The following HIF3A variants were observed in gnomAD, a reference collection of about 807,000 sequenced individuals.
The protein encoded by HIF3A is hypoxia inducible factor 3 subunit alpha.
In HIF3A, 41 loss-of-function variants were observed where a neutral mutation model predicts 67.2. That is an observed-to-expected ratio of 0.61 (90% CI 0.48 to 0.79). The LOEUF (loss-of-function observed/expected upper bound fraction) is 0.79. Among genes scored for constraint, HIF3A ranks in the 30% least tolerant of loss-of-function variants. The pLI, the probability that HIF3A is intolerant of heterozygous loss-of-function variation, is 0.00. For missense variants in HIF3A, 855 were observed against 898.0 expected (o/e 0.95, Z 0.61); for synonymous variants, 356 against 374.8 (o/e 0.95, Z 0.58).
chr19:46,318,832 G>A (rs538847334), intron 8 of HIF3A, among the ~76,000 whole-genome samples: 124 of 152,118 alleles, frequency 8.2e-4, no homozygotes, highest in Non-Finnish European at 1.6e-3. Flanking sequence ...TGTGGGCCAG[G>A]CTGATCTTGA....
chr19:46,312,960 C>T, intron 8 of HIF3A: 1 of 1,008,714 alleles, frequency 9.9e-7, no homozygotes, highest in Non-Finnish European at 1.2e-6. Flanking sequence ...AGAAAGGGGT[C>T]TTTATTTGGC....
chr19:46,322,103 G>A (rs1970415942), intron 10 of HIF3A, 137 bp downstream of exon 10: 4 of 820,088 alleles, frequency 4.9e-6, no homozygotes, highest in Non-Finnish European at 7.5e-6. Context: ...GGATGAGATG[G>A]GGTTGAGGTT....
At chr19:46,302,474 AGGC>A (rs1211825660) in intron 1 of HIF3A, among the ~76,000 whole-genome samples, 30 of 152,284 alleles carry the variant, frequency 2.0e-4, no homozygotes, top group African/African-American at 7.0e-4. Flanking sequence ...TGTGTCACCC[AGGC>A]TGGAGTGCAG....
In HIF3A at chr19:46,304,140, A is replaced by G. The variant is rs747745830; in HGVS notation, c.217+52A>G. On this transcript the variant is annotated intron_variant, in intron 2 of 14. Transcript: ENST00000377670. The stretch of plus-strand genomic sequence containing the variant: ...TCTTGGTCAGGCCCCGCCCACGGAA[A>G]AAAACTACATCCCAGGGAGGCCCCT... 1.4e-5 allele frequency: 21 copies of G among 1,476,586 alleles called. No individual in the cohort carries two copies. The Admixed American group carries it at 2.8e-4, about 20-fold the overall frequency. 91.5% of individuals were successfully genotyped at this position (1,476,586 alleles called of 1,614,324 possible).
chr19:46,329,393 T>TG lies in HIF3A; in HGVS notation c.1632dup (p.Ser545GlufsTer2), dbSNP rs779512638. 33 of 1,609,226 alleles carry TG rather than the reference T, an allele frequency of 2.1e-5. No homozygotes were observed. Among genetic ancestry groups the TG allele is most frequent in the Non-Finnish European group, 2.7e-5 (32 of 1,177,302 alleles). On this transcript the variant is annotated frameshift_variant, in exon 12 of 15. Coordinates refer to ENST00000377670, the MANE Select transcript of HIF3A (RefSeq NM_152795.4). LOFTEE classifies it high-confidence loss of function. The stretch of plus-strand genomic sequence containing the variant: ...CCTTGAGCCCTCCCTGCTACCCCGC[T>TG]GGGGGAGTGACCCCCGGCTGAGCTG...
At chr19:46,313,910 C>T (rs979908918) in intron 8 of HIF3A, among the ~76,000 whole-genome samples, 2 of 152,084 alleles carry the variant, frequency 1.3e-5, no homozygotes, top group Admixed American at 6.5e-5. Flanking sequence ...GATCCACCCC[C>T]CTCAGCCTCC....
intron 8 of HIF3A, 123 bp downstream of exon 8, chr19:46,312,776 G>T: frequency 6.9e-7 from 1 of 1,450,854 alleles, no homozygotes; most frequent in Non-Finnish European, 9.0e-7. Context: ...AAGTGTATGT[G>T]AGGGAGTGTG....
chr19:46,310,437 G>A lies in HIF3A; in HGVS notation c.770+1078G>A, dbSNP rs1217890365. On this transcript the variant is annotated intron_variant, in intron 6 of 14. Transcript: ENST00000377670. ...TAAATAAAATAAACTGTTATTATTTGTTCACCCTCTATCCTTCCTTTCATC... is the reference window on the plus strand; with the variant it reads ...TAAATAAAATAAACTGTTATTATTTATTCACCCTCTATCCTTCCTTTCATC... 3.6e-5 allele frequency: 10 copies of A among 281,112 alleles called. No individual in the cohort carries two copies. The Admixed American group carries it at 4.5e-4, about 13-fold the overall frequency. The allele number at this position is 281,112 out of a possible 1,614,324, so 17.4% of individuals were successfully genotyped here.
At chr19:46,313,166 AT>A in intron 8 of HIF3A, 1 of 559,614 alleles carries the variant, frequency 1.8e-6, no homozygotes, top group Non-Finnish European at 2.3e-6. Context: ...CACGAGAATC[AT>A]TAGAACCCAG....
chr19:46,308,746 AC>A lies in HIF3A; in HGVS notation c.535del (p.Leu179SerfsTer11). The A allele has an allele frequency of 6.2e-7, 1 of 1,609,170 alleles. No individual in the cohort carries two copies. The highest frequency in any genetic ancestry group is 8.5e-7 in the Non-Finnish European group (1 of 1,177,864). ...MKSTLTSRGR[T>X]LNLKAATWKV... ...GAGTACACTCACCAGCCGCGGGCGC[AC>A]CCTCAACCTCAAGGCGGCCACCTGG... On this transcript the variant is annotated frameshift_variant, in exon 5 of 15. Transcript: ENST00000377670. LOFTEE classifies it high-confidence loss of function.
At chr19:46,312,037 G>A (rs768900434) in intron 6 of HIF3A, 124 bp from the exon 7 acceptor site, 7 of 803,658 alleles carry the variant, frequency 8.7e-6, no homozygotes, top group East Asian at 4.8e-5. Context: ...CTTTTCTCTC[G>A]GTTACAATCC....
intron 1 of HIF3A, among the ~76,000 whole-genome samples, chr19:46,301,961 T>A (rs965872331): frequency 7.2e-5 from 11 of 151,946 alleles, no homozygotes; most frequent in Non-Finnish European, 1.6e-4. Context: ...GCTTAGCAAA[T>A]GACAGCTGCC....
At chr19:46,305,078 C>T (rs1968712476) in intron 2 of HIF3A, 167 bp from the exon 3 acceptor site, 1 of 942,538 alleles carries the variant, frequency 1.1e-6, no homozygotes, top group Non-Finnish European at 1.7e-6. Flanking sequence ...CTTGGTCCTG[C>T]TTTCTTCCTT....
intron 14 of HIF3A, 118 bp from the exon 15 acceptor site, chr19:46,339,407 C>T (rs1179027601): frequency 8.9e-6 from 6 of 673,398 alleles, no homozygotes; most frequent in Non-Finnish European, 1.4e-5. Flanking sequence ...ATCCTTTGTT[C>T]GAGTGTTCAA....
At chr19:46,312,755 G>A (rs1046575905) in intron 8 of HIF3A, 102 bp downstream of exon 8, 10 of 1,475,674 alleles carry the variant, frequency 6.8e-6, no homozygotes, top group South Asian at 1.4e-5. Flanking sequence ...GCATGCATGT[G>A]TATCATGCAT....
chr19:46,320,464 G>A lies in HIF3A; in HGVS notation c.1047G>A (p.Val349=). ...FLISQVEETG[V]VLSLEQTEQH... is the part of the protein sequence containing the mutation. Reference sequence around the variant, plus strand: ...CCAGCCAGGTGGAAGAGACCGGAGTGGTGCTGTCCCTGGAGCAAACGGAGC... The same window carrying A: ...CCAGCCAGGTGGAAGAGACCGGAGTAGTGCTGTCCCTGGAGCAAACGGAGC... The change falls in exon 9 of 15, where the codon GTG becomes GTA. Residue 349 remains valine, a synonymous_variant. Transcript: ENST00000377670. 6.2e-7 allele frequency: 1 copy of A among 1,614,080 alleles called. No individual in the cohort carries two copies. Among genetic ancestry groups the A allele is most frequent in the East Asian group, 2.2e-5 (1 of 44,858 alleles).
At chr19:46,329,819 G>T (rs1482037462) in intron 12 of HIF3A, among the ~76,000 whole-genome samples, 1 of 151,996 alleles carries the variant, frequency 6.6e-6, no homozygotes, top group African/African-American at 2.4e-5. Flanking sequence ...ATCTAAGCCG[G>T]GTGTGGTGGT....
intron 9 of HIF3A, 65 bp downstream of exon 9, chr19:46,320,626 A>G (rs1265640232): frequency 2.4e-6 from 3 of 1,250,334 alleles, no homozygotes; most frequent in African/African-American, 3.0e-5. Context: ...AAGCCCAAGC[A>G]CCTTAACATG....
In HIF3A at chr19:46,343,399, T is replaced by C. The variant is rs948885935; in HGVS notation, c.*3777T>C. 6 of 152,512 alleles carry C rather than the reference T, an allele frequency of 3.9e-5. No homozygotes were observed. Among genetic ancestry groups the C allele is most frequent in the African/African-American group, 1.4e-4 (6 of 41,382 alleles). 9.4% of individuals were successfully genotyped at this position (152,512 alleles called of 1,614,324 possible). A position where few individuals can be genotyped will look rare whatever the true frequency, so the allele number is the denominator to read the frequency against. ...TGGCTCTGAAACTCACCAATCTCTA[T>C]ACACCATAAAGACCTCACCTTGGTA... is the stretch of plus-strand genomic sequence containing the variant. On this transcript the variant is annotated 3_prime_UTR_variant, in exon 15 of 15. Transcript: ENST00000377670.
Sources: allele counts gnomAD v4.1 joint callset (sites outside exome capture counted in the v4.1 genomes callset), GRCh38; gene constraint gnomAD v4.1.1; transcripts MANE v1.5; gene names NCBI Gene and HGNC (gene_info 2026-07-23, HGNC 2026-07-21).